Variants in ZNF566 observed in about 807,000 individuals in gnomAD.
ZNF566 encodes zinc finger protein 566.
In ZNF566, 27 loss-of-function variants were observed where a neutral mutation model predicts 32.8. The observed-to-expected ratio is 0.82, with a 90% confidence interval of 0.61 to 1.14. The LOEUF is 1.14. Ranked by LOEUF, ZNF566 falls within the 50% of genes most tolerant of loss-of-function variation. The pLI is 0.00. For synonymous variants in ZNF566, 154 were observed against 159.5 expected (o/e 0.97, Z 0.26); for missense variants, 402 against 490.4 (o/e 0.82, Z 1.70).
intron 1 of ZNF566, among the ~76,000 whole-genome samples, chr19:36,483,507 G>T (rs367777255): frequency 6.6e-6 from 1 of 152,076 alleles, no homozygotes; most frequent in African/African-American, 2.4e-5. Flanking sequence ...AGCGGGGTTG[G>T]GGGGAAGCTT....
chr19:36,478,888 G>C (rs2033960012), intron 1 of ZNF566, among the ~76,000 whole-genome samples: 2 of 152,230 alleles, frequency 1.3e-5, no homozygotes, highest in African/African-American at 4.8e-5. Flanking sequence ...TCCAGGCTCA[G>C]TGTTCCTCAG....
intron 4 of ZNF566, among the ~76,000 whole-genome samples, chr19:36,461,990 G>GT (rs34181356): frequency 0.29 from 40,839 of 138,506 alleles, 5,932 homozygotes; most frequent in South Asian, 0.4. Flanking sequence ...TGAACTTTGG[G>GT]TTTTTTTTTT....
chr19:36,449,618 T>G lies in ZNF566; in HGVS notation c.616A>C (p.Lys206Gln), dbSNP rs2033092087. ...EKPYECKECG[K>Q]SFRHPSRLTH... ...AGTCTTGAGGGATGTCTAAAGGACT[T>G]TCCACATTCCTTACATTCATAAGGC... The change falls in exon 5 of 5, where the codon AAG becomes CAG. Residue 206 changes from lysine to glutamine, a missense_variant. Lys to Gln is a moderately conservative substitution (Grantham distance 53, BLOSUM62 1). Coordinates refer to ENST00000452939, the MANE Select transcript of ZNF566 (RefSeq NM_001145344.1). 1.9e-6 allele frequency: 3 copies of G among 1,614,080 alleles called. No individual in the cohort carries two copies. Among genetic ancestry groups the G allele is most frequent in the Non-Finnish European group, 2.5e-6 (3 of 1,180,034 alleles).
chr19:36,445,424 A>T lies in ZNF566; in HGVS notation c.*3553T>A, dbSNP rs1175009030. ...TAAAATATTAAATCTCTGTGTATAC[A>T]CACTCACAGAATCACATATATGAAA... On this transcript the variant is annotated 3_prime_UTR_variant, in exon 5 of 5. Transcript: ENST00000452939. 1.3e-5 allele frequency: 2 copies of T among 152,192 alleles called. No homozygotes were observed. Among genetic ancestry groups the T allele is most frequent in the Admixed American group, 6.6e-5 (1 of 15,266 alleles). The allele number at this position is 152,192 out of a possible 1,614,324, so 9.4% of individuals were successfully genotyped here.
chr19:36,462,058 G>A (rs925785795), intron 4 of ZNF566, among the ~76,000 whole-genome samples: 7 of 148,852 alleles, frequency 4.7e-5, no homozygotes, highest in East Asian at 3.9e-4. Flanking sequence ...GCATGATCTC[G>A]GCTCACCCCA....
At chr19:36,467,790 C>CAAAAA (rs560803094) in intron 4 of ZNF566, among the ~76,000 whole-genome samples, 94 of 85,780 alleles carry the variant, frequency 1.1e-3, no homozygotes, top group Non-Finnish European at 1.2e-3. Flanking sequence ...GACTCCATCT[C>CAAAAA]AAAAAAAAAA....
rs2033094214 is a variant in ZNF566, at chr19:36,449,666, C to T, written c.568G>A (p.Glu190Lys). ...GGCTTCTCAATGGTATGAATTATCT[C>T]ATGTGTAGCAAACTGTGAGCCATGT... ...FRHGSQFATH[E>K]IIHTIEKPYE... The change falls in exon 5 of 5, where the codon GAG (glutamate) becomes AAG (lysine). Residue 190 changes from glutamate to lysine, a missense_variant. Glu to Lys is a moderately conservative substitution (Grantham distance 56, BLOSUM62 1). Coordinates refer to ENST00000452939, the MANE Select transcript of ZNF566 (RefSeq NM_001145344.1). The T allele has an allele frequency of 1.9e-6, 3 of 1,613,972 alleles. No homozygotes were observed. In the African/African-American group the frequency reaches 4.0e-5, roughly 22 times the overall value.
At chr19:36,476,880 T>C (rs1005177136) in intron 1 of ZNF566, among the ~76,000 whole-genome samples, 1 of 152,222 alleles carries the variant, frequency 6.6e-6, no homozygotes, top group Non-Finnish European at 1.5e-5. Flanking sequence ...ACTCATATTA[T>C]ACACACTACT....
In ZNF566 at chr19:36,449,363, C is replaced by T. The variant is rs368236987; in HGVS notation, c.871G>A (p.Ala291Thr). The change falls in exon 5 of 5, where the codon GCC becomes ACC. Residue 291 changes from alanine to threonine, a missense_variant. This residue lies in a region of ZNF566 where 135 missense variants were observed against 210.0 expected (regional missense o/e 0.64). Coordinates refer to ENST00000452939, the MANE Select transcript of ZNF566 (RefSeq NM_001145344.1). ...KPYECKECGK[A>T]FSSGSNFTQH... Reference sequence around the variant, plus strand: ...GTAAAGTTTGAGCCACTACTAAAGGCCTTCCCGCATTCTTTGCATTCATAA... The same window carrying T: ...GTAAAGTTTGAGCCACTACTAAAGGTCTTCCCGCATTCTTTGCATTCATAA... The T allele has an allele frequency of 4.3e-6, 7 of 1,614,094 alleles. No individual in the cohort carries two copies. The highest frequency in any genetic ancestry group is 5.9e-6 in the Non-Finnish European group (7 of 1,180,018).
chr19:36,468,185 C>CAAAAA (rs34868021), intron 4 of ZNF566, among the ~76,000 whole-genome samples: 1 of 101,582 alleles, frequency 9.8e-6, no homozygotes. Context: ...AACTCTGCCT[C>CAAAAA]AAAAAAAAAA....
chr19:36,464,539 T>A (rs979194170), intron 4 of ZNF566, among the ~76,000 whole-genome samples: 2 of 152,196 alleles, frequency 1.3e-5, no homozygotes, highest in Admixed American at 6.5e-5. Context: ...TTAATAGGTC[T>A]TTAATAAGAA....
intron 1 of ZNF566, 51 bp downstream of exon 1, chr19:36,489,435 G>A (rs1262165035): frequency 1.3e-5 from 4 of 303,964 alleles, no homozygotes; most frequent in East Asian, 9.8e-5. Flanking sequence ...ACAAAGCCGA[G>A]GCTTGGCCCC....
chr19:36,460,393 A>C (rs2033431860), intron 4 of ZNF566, among the ~76,000 whole-genome samples: 1 of 152,206 alleles, frequency 6.6e-6, no homozygotes, highest in Non-Finnish European at 1.5e-5. Context: ...AGAATAAACA[A>C]GTTTTAGAAC....
intron 2 of ZNF566, among the ~76,000 whole-genome samples, chr19:36,473,893 C>G (rs944524197): frequency 6.6e-6 from 1 of 152,124 alleles, no homozygotes; most frequent in Non-Finnish European, 1.5e-5. Context: ...GAGAGAAGAG[C>G]AGGTCATATA....
At chr19:36,485,670 G>C (rs920568254) in intron 1 of ZNF566, among the ~76,000 whole-genome samples, 5 of 151,516 alleles carry the variant, frequency 3.3e-5, no homozygotes, top group African/African-American at 1.2e-4. Context: ...GCTGAGGCAG[G>C]AGAATCGCTT....
intron 4 of ZNF566, among the ~76,000 whole-genome samples, chr19:36,470,837 G>A (rs1213885952): frequency 6.6e-6 from 1 of 151,952 alleles, no homozygotes; most frequent in Non-Finnish European, 1.5e-5. Context: ...TTGAACCCAG[G>A]AGGTGGAGCT....
Position 36,449,874 on chromosome 19 carries a change from A to G in ZNF566, c.360T>C (p.Asp120=). 6.2e-7 allele frequency: 1 copy of G among 1,614,122 alleles called. No homozygotes were observed. The highest frequency in any genetic ancestry group is 8.5e-7 in the Non-Finnish European group (1 of 1,180,018). Residue 120 remains aspartate (D), a synonymous_variant, in exon 5 of 5, where the codon GAT becomes GAC. Transcript: ENST00000452939. ...RRDFQCSSFR[D]DWECNRQFKK... is the part of the protein sequence containing the mutation. ...TAAACTGCCGATTACATTCCCAATC[A>G]TCTCTGAAACTGGAGCACTGAAAAT...
At chr19:36,476,092 G>C (rs1181584785) in intron 2 of ZNF566, 1 of 152,238 alleles carries the variant, frequency 6.6e-6, no homozygotes, top group Non-Finnish European at 1.5e-5. Context: ...GATAACTTGA[G>C]GTCAGGAATT....
intron 4 of ZNF566, among the ~76,000 whole-genome samples, chr19:36,455,549 C>T (rs998349940): frequency 1.3e-5 from 2 of 151,656 alleles, no homozygotes; most frequent in African/African-American, 2.4e-5. Flanking sequence ...TGAGACCAGC[C>T]GGGCCAACAT....
Sources: allele counts gnomAD v4.1 joint callset (sites outside exome capture counted in the v4.1 genomes callset), GRCh38; gene constraint gnomAD v4.1.1; regional missense constraint gnomAD v4.1.1; transcripts MANE v1.5; gene names NCBI Gene and HGNC (gene_info 2026-07-23, HGNC 2026-07-21).